The following PPIP5K2 variants were observed in gnomAD, a reference collection of about 807,000 sequenced individuals.
The protein encoded by PPIP5K2 is inositol hexakisphosphate and diphosphoinositol-pentakisphosphate kinase 2.
In PPIP5K2, 105 loss-of-function variants were observed where a neutral mutation model predicts 154.6. The ratio of observed to expected loss-of-function variants is 0.68; its 90% CI spans 0.58 to 0.80. PPIP5K2 has a LOEUF of 0.80. Among genes scored for constraint, PPIP5K2 ranks in the 30% least tolerant of loss-of-function variants. The pLI is 0.00. For synonymous variants in PPIP5K2, 480 were observed against 490.3 expected (o/e 0.98, Z 0.28); for missense variants, 992 against 1,504.6 (o/e 0.66, Z 5.64).
intron 25 of PPIP5K2, chr5:103,184,104 T>C (rs1425344451): frequency 6.6e-6 from 1 of 152,268 alleles, no homozygotes; most frequent in African/African-American, 2.4e-5. Flanking sequence ...TTAAAATATA[T>C]ATGATTTCTA....
intron 20 of PPIP5K2, among the ~76,000 whole-genome samples, chr5:103,173,503 T>G (rs1798259410): frequency 6.6e-6 from 1 of 151,984 alleles, no homozygotes; most frequent in Non-Finnish European, 1.5e-5. Flanking sequence ...TAGGTCATCG[T>G]TCACATGGAC....
chr5:103,204,125 CT>C lies in PPIP5K2; in HGVS notation c.*2492del, dbSNP rs1803349648. 6.6e-6 allele frequency: 1 copy of C among 152,284 alleles called. No individual in the cohort carries two copies. Among genetic ancestry groups the C allele is most frequent in the Non-Finnish European group, 1.5e-5 (1 of 68,018 alleles). 9.4% of individuals were successfully genotyped at this position (152,284 alleles called of 1,614,324 possible). A position where few individuals can be genotyped will look rare whatever the true frequency, so the allele number is the denominator to read the frequency against. On this transcript the variant is annotated 3_prime_UTR_variant, in exon 31 of 31. Transcript: ENST00000358359. ...TCACCCGGATTTCTTTTTGGGTTGACTCTGTCTGACCTAAATGTCCACTGTT... is the reference window on the plus strand; with the variant it reads ...TCACCCGGATTTCTTTTTGGGTTGACCTGTCTGACCTAAATGTCCACTGTT...
In PPIP5K2 at chr5:103,155,902, T is replaced by C; in HGVS notation, c.1404-7T>C. The C allele has an allele frequency of 6.4e-7, 1 of 1,563,550 alleles. No homozygotes were observed. The highest frequency in any genetic ancestry group is 8.8e-7 in the Non-Finnish European group (1 of 1,134,708). On this transcript the variant is annotated splice_region_variant and splice_polypyrimidine_tract_variant and intron_variant, in intron 13 of 30. Transcript: ENST00000358359. ...TGTTCTATTCTGTTTATCATTTTAT[T>C]TTTCAGGTATGGTCATTTTTCTGGA...
Position 103,120,360 on chromosome 5 carries a change from G to A in PPIP5K2, c.-413G>A. The A allele has an allele frequency of 2.2e-6, 1 of 455,574 alleles. No homozygotes were observed. Among genetic ancestry groups the A allele is most frequent in the Non-Finnish European group, 4.4e-6 (1 of 226,174 alleles). 28.2% of individuals were successfully genotyped at this position (455,574 alleles called of 1,614,324 possible). ...GCTGTTACTGAAGGAAGTAGCCTAC[G>A]TCCACGCCTACAACTGAAGTCTCTT... is the stretch of plus-strand genomic sequence containing the variant. On this transcript the variant is annotated 5_prime_UTR_variant, in exon 1 of 31. Transcript: ENST00000358359.
Position 103,168,062 on chromosome 5 carries a change from G to A in PPIP5K2, c.2063-10G>A, listed in dbSNP as rs781843891. 1.9e-6 allele frequency: 3 copies of A among 1,548,178 alleles called. No individual in the cohort carries two copies. Among genetic ancestry groups the A allele is most frequent in the African/African-American group, 2.8e-5 (2 of 72,524 alleles). ...AAGTTGCATAAACTAAAAATGTTAT[G>A]TTGTTTTAGATATTCAGCTTTACCA... is the stretch of plus-strand genomic sequence containing the variant. On this transcript the variant is annotated splice_polypyrimidine_tract_variant and intron_variant, in intron 18 of 30. Coordinates refer to ENST00000358359, the MANE Select transcript of PPIP5K2 (RefSeq NM_001276277.3).
intron 17 of PPIP5K2, among the ~76,000 whole-genome samples, chr5:103,162,771 G>A (rs782279325): frequency 5.3e-5 from 8 of 151,802 alleles, no homozygotes; most frequent in East Asian, 3.9e-4. Flanking sequence ...TATCTTTTTC[G>A]GAGAAGAGGC....
At position 103,177,995 on chromosome 5, in the gene PPIP5K2, A is replaced by G. The variant is rs782614323; in HGVS notation, c.2754+15A>G. On this transcript the variant is annotated intron_variant, in intron 23 of 30. Transcript: ENST00000358359. ...CTTCCAGAGAGGTAATGAAGGTGGAACTCTCAGTGCTTAGTTACTACAGTT... is the reference window on the plus strand; with the variant it reads ...CTTCCAGAGAGGTAATGAAGGTGGAGCTCTCAGTGCTTAGTTACTACAGTT... The G allele has an allele frequency of 6.8e-7, 1 of 1,462,458 alleles. No homozygotes were observed. The highest frequency in any genetic ancestry group is 9.6e-7 in the Non-Finnish European group (1 of 1,042,622). The allele number at this position is 1,462,458 out of a possible 1,614,324, so 90.6% of individuals were successfully genotyped here. A position where few individuals can be genotyped will look rare whatever the true frequency, so the allele number is the denominator to read the frequency against.
Position 103,206,202 on chromosome 5 carries a change from C to T in PPIP5K2, c.*4568C>T, listed in dbSNP as rs1803505529. 1 of 152,150 alleles carries T rather than the reference C, an allele frequency of 6.6e-6. No homozygotes were observed. Among genetic ancestry groups the T allele is most frequent in the Non-Finnish European group, 1.5e-5 (1 of 68,026 alleles). 9.4% of individuals were successfully genotyped at this position (152,150 alleles called of 1,614,324 possible). On this transcript the variant is annotated 3_prime_UTR_variant, in exon 31 of 31. Transcript: ENST00000358359. ...TTGGCTTCAGCCACAGTTGCATTAG[C>T]CATATTGTCATCAAAAGCCCAAGTG... is the stretch of plus-strand genomic sequence containing the variant.
At chr5:103,136,971 T>G in intron 4 of PPIP5K2, 149 bp downstream of exon 4, 1 of 644,190 alleles carries the variant, frequency 1.6e-6, no homozygotes, top group Non-Finnish European at 2.7e-6. Flanking sequence ...ATTACCTAAT[T>G]TTACAGATGA....
At chr5:103,162,443 G>T (rs973369412) in intron 17 of PPIP5K2, among the ~76,000 whole-genome samples, 3 of 151,400 alleles carry the variant, frequency 2.0e-5, no homozygotes, top group Admixed American at 6.6e-5. Context: ...GCTCACTGTG[G>T]CCTGAAACCC....
chr5:103,174,778 C>T (rs2149710123), intron 21 of PPIP5K2, among the ~76,000 whole-genome samples: 1 of 152,242 alleles, frequency 6.6e-6, no homozygotes, highest in South Asian at 2.1e-4. Flanking sequence ...AAACAACCCA[C>T]AGCACCAGAT....
At chr5:103,130,283 T>C (rs1790404966) in intron 2 of PPIP5K2, among the ~76,000 whole-genome samples, 2 of 152,184 alleles carry the variant, frequency 1.3e-5, no homozygotes. Context: ...AGGAATGATA[T>C]ATATTTATTA....
Position 103,180,069 on chromosome 5 carries a change from A to G in PPIP5K2, c.2803A>G (p.Thr935Ala), listed in dbSNP as rs1799277702. ...AATTGATAATGATGATGAACCACAT[A>G]CTTCTAAAAGAGATGAAGTTGATCG... ...FKIDNDDEPH[T>A]SKRDEVDRAV... The change falls in exon 24 of 31, where the codon ACT (threonine) becomes GCT (alanine). Residue 935 changes from threonine to alanine, a missense_variant. Physicochemically the swap from Thr to Ala is moderately conservative, Grantham distance 58. Coordinates refer to ENST00000358359, the MANE Select transcript of PPIP5K2 (RefSeq NM_001276277.3). 1 of 1,592,256 alleles carries G rather than the reference A, an allele frequency of 6.3e-7. No individual in the cohort carries two copies. Among genetic ancestry groups the G allele is most frequent in the South Asian group, 1.1e-5 (1 of 87,234 alleles).
Position 103,183,227 on chromosome 5 carries a change from C to G in PPIP5K2, c.2923-7C>G, listed in dbSNP as rs1554223637. Reference sequence around the variant, plus strand: ...TTTTTTTTTTTTGCCCCCTTTCTCACTTCCAGGAAGAGAGCCCCCTGAGTG... The same window carrying G: ...TTTTTTTTTTTTGCCCCCTTTCTCAGTTCCAGGAAGAGAGCCCCCTGAGTG... On this transcript the variant is annotated splice_region_variant and splice_polypyrimidine_tract_variant and intron_variant, in intron 24 of 30. Transcript: ENST00000358359. The G allele has an allele frequency of 4.3e-6, 1 of 233,262 alleles. No homozygotes were observed. Among genetic ancestry groups the G allele is most frequent in the Non-Finnish European group, 8.1e-6 (1 of 123,446 alleles). The allele number at this position is 233,262 out of a possible 1,614,324, so 14.4% of individuals were successfully genotyped here.
intron 19 of PPIP5K2, among the ~76,000 whole-genome samples, chr5:103,169,927 T>A (rs1432318690): frequency 6.6e-6 from 1 of 151,678 alleles, no homozygotes; most frequent in Non-Finnish European, 1.5e-5. Context: ...TGTCAGTATA[T>A]CTAAATGTAT....
chr5:103,165,231 A>G (rs141046975), intron 17 of PPIP5K2, among the ~76,000 whole-genome samples: 57 of 152,140 alleles, frequency 3.7e-4, no homozygotes, highest in African/African-American at 1.3e-3. Context: ...TGAGTCTTTT[A>G]CTTCCTCCTT....
Position 103,158,197 on chromosome 5 carries a change from G to A in PPIP5K2, c.1499G>A (p.Arg500Lys). 6.2e-7 allele frequency: 1 copy of A among 1,613,214 alleles called. No individual in the cohort carries two copies. The highest frequency in any genetic ancestry group is 1.3e-5 in the African/African-American group (1 of 75,056). ...KTSSEEEDSR[R>K]EEPSLLLVLK... is the part of the protein sequence containing the mutation. Reference sequence around the variant, plus strand: ...TTCATATGTGTCATAGACAGCCGAAGAGAAGAACCATCTTTACTTTTGGTT... The same window carrying A: ...TTCATATGTGTCATAGACAGCCGAAAAGAAGAACCATCTTTACTTTTGGTT... Residue 500 changes from arginine to lysine, a missense_variant, in exon 15 of 31, where the codon AGA becomes AAA. By Grantham distance (26) the Arg-to-Lys change is conservative. Around this residue, in one of 9 missense-constraint regions of PPIP5K2, gnomAD observed 163 missense variants for 285.2 expected, o/e 0.57. Coordinates refer to ENST00000358359, the MANE Select transcript of PPIP5K2 (RefSeq NM_001276277.3).
intron 26 of PPIP5K2, among the ~76,000 whole-genome samples, chr5:103,185,785 CT>C (rs1800277364): frequency 6.6e-6 from 1 of 151,950 alleles, no homozygotes; most frequent in African/African-American, 2.4e-5. Flanking sequence ...AGGACCTGGT[CT>C]CACAAATAAA....
intron 30 of PPIP5K2, among the ~76,000 whole-genome samples, chr5:103,196,215 C>T (rs1415009672): frequency 6.6e-6 from 1 of 152,156 alleles, no homozygotes; most frequent in Non-Finnish European, 1.5e-5. Context: ...AACCCAACCT[C>T]TTCCACTGAT....
Sources: gnomAD v4.1 joint callset for allele counts (sites outside exome capture counted in the v4.1 genomes callset) on GRCh38, gnomAD v4.1.1 for gene constraint, gnomAD v4.1.1 regional missense constraint, MANE v1.5 for transcripts, NCBI Gene and HGNC (gene_info 2026-07-23, HGNC 2026-07-21) for gene names.